The following DNAH8 variants were observed in gnomAD, a reference collection of about 807,000 sequenced individuals.
DNAH8 encodes dynein axonemal heavy chain 8.
A neutral mutation model predicts 562.1 loss-of-function variants in DNAH8; 382 were observed. The ratio of observed to expected loss-of-function variants is 0.68; its 90% CI spans 0.63 to 0.74. The LOEUF (loss-of-function observed/expected upper bound fraction) is 0.74. Ranked by LOEUF, DNAH8 falls within the 30% of genes least tolerant of loss-of-function variation. DNAH8 has a pLI of 0.00. For synonymous variants in DNAH8, 1,881 were observed against 1,919.4 expected (o/e 0.98, Z 0.52); for missense variants, 5,203 against 5,620.4 (o/e 0.93, Z 2.37).
Position 39,008,941 on chromosome 6 carries a change from A to G in DNAH8, c.13342A>G (p.Lys4448Glu). ...VYRLSEDMLS[K>E]LPPDYIPHEV... ...TAGATTATCTGAAGATATGCTGAGT[A>G]AACTCCCTCCTGATTACATTCCTCA... Residue 4448 changes from lysine to glutamate, a missense_variant, in exon 89 of 93, where the codon AAA (lysine) becomes GAA (glutamate). Physicochemically the swap from Lys to Glu is moderately conservative, Grantham distance 56. Coordinates refer to ENST00000327475, the MANE Select transcript of DNAH8 (RefSeq NM_001206927.2). The G allele has an allele frequency of 6.2e-7, 1 of 1,611,674 alleles. No homozygotes were observed.
At chr6:38,815,419 T>G (rs373429344) in intron 25 of DNAH8, 49 bp from the exon 26 acceptor site, 40 of 1,461,944 alleles carry the variant, frequency 2.7e-5, no homozygotes, top group Non-Finnish European at 3.8e-5. Context: ...AATTGAGGGA[T>G]GGACTGTATG....
At chr6:38,879,286 T>C (rs897057891) in intron 53 of DNAH8, among the ~76,000 whole-genome samples, 7 of 143,524 alleles carry the variant, frequency 4.9e-5, no homozygotes, top group Non-Finnish European at 1.1e-4. Flanking sequence ...GAGAAAGACA[T>C]TCCAAGAAAA....
chr6:38,716,258 G>A (rs1408801883), intron 1 of DNAH8, among the ~76,000 whole-genome samples: 5 of 151,348 alleles, frequency 3.3e-5, no homozygotes. Flanking sequence ...ACCACGCCCG[G>A]CCATATACCT....
intron 35 of DNAH8, 149 bp from the exon 36 acceptor site, chr6:38,845,425 A>T: frequency 1.6e-6 from 1 of 620,758 alleles, no homozygotes. Flanking sequence ...CAACACAATG[A>T]TCTGAAGCCT....
chr6:38,879,772 C>A (rs571414404), intron 53 of DNAH8, among the ~76,000 whole-genome samples: 7 of 152,052 alleles, frequency 4.6e-5, no homozygotes, highest in African/African-American at 1.7e-4. Flanking sequence ...AAGTAAAATT[C>A]TCTTTATTTG....
chr6:38,821,705 G>A (rs558969098), intron 26 of DNAH8, among the ~76,000 whole-genome samples: 18 of 152,092 alleles, frequency 1.2e-4, no homozygotes, highest in South Asian at 4.2e-4. Context: ...TGGGACTACC[G>A]GCACGTGCCA....
chr6:38,812,314 A>G (rs1390610150), intron 24 of DNAH8, among the ~76,000 whole-genome samples: 1 of 152,078 alleles, frequency 6.6e-6, no homozygotes, highest in African/African-American at 2.4e-5. Context: ...CCCATCCATG[A>G]TTGTGATGAG....
intron 91 of DNAH8, among the ~76,000 whole-genome samples, chr6:39,018,185 A>G (rs1766680577): frequency 6.6e-6 from 1 of 152,182 alleles, no homozygotes. Flanking sequence ...CTGTGTGAGC[A>G]GCTTTTACGC....
chr6:38,846,818 GCTTTCTT>G (rs1358359087), intron 36 of DNAH8, among the ~76,000 whole-genome samples: 2 of 152,114 alleles, frequency 1.3e-5, no homozygotes, highest in Non-Finnish European at 2.9e-5. Context: ...GGATTTGAAG[GCTTTCTT>G]CAATTCATAC....
chr6:38,876,611 A>G (rs1778032061), intron 53 of DNAH8, among the ~76,000 whole-genome samples: 1 of 152,202 alleles, frequency 6.6e-6, no homozygotes, highest in Non-Finnish European at 1.5e-5. Context: ...TGAGAAGCGC[A>G]CGTCACAGGA....
chr6:38,736,713 G>GAA, intron 5 of DNAH8, among the ~76,000 whole-genome samples: 1 of 145,450 alleles, frequency 6.9e-6, no homozygotes. Context: ...CTTTTCACCA[G>GAA]AAAAAAAAAA....
intron 88 of DNAH8, among the ~76,000 whole-genome samples, chr6:38,995,740 A>G (rs900189854): frequency 6.6e-6 from 1 of 152,238 alleles, no homozygotes; most frequent in Non-Finnish European, 1.5e-5. Flanking sequence ...AGTCCAACCC[A>G]TTCAATAAAA....
intron 48 of DNAH8, 110 bp from the exon 49 acceptor site, chr6:38,870,291 T>G: frequency 1.1e-6 from 1 of 923,632 alleles, no homozygotes; most frequent in Non-Finnish European, 1.7e-6. Context: ...ATTAGGAGAG[T>G]AATAAATGGT....
intron 17 of DNAH8, among the ~76,000 whole-genome samples, 159 bp from the exon 18 acceptor site, chr6:38,786,606 A>C (rs1321632447): frequency 2.0e-5 from 3 of 152,222 alleles, no homozygotes; most frequent in Non-Finnish European, 4.4e-5. Context: ...TTGAGTATTC[A>C]CTATGTGCCA....
chr6:38,973,494 A>G (rs185287956), intron 83 of DNAH8, among the ~76,000 whole-genome samples, 167 bp from the exon 84 acceptor site: 9 of 152,348 alleles, frequency 5.9e-5, no homozygotes, highest in African/African-American at 2.2e-4. Context: ...GCTTGTACCA[A>G]TTACTTGTAC....
chr6:38,842,368 A>G lies in DNAH8; in HGVS notation c.4467A>G (p.Arg1489=). Residue 1489 remains arginine (R), a splice_region_variant and synonymous_variant, in exon 34 of 93, where the codon AGA becomes AGG. Transcript: ENST00000327475. The part of the protein sequence containing the change: ...VTDYEVLHKT[R]KELNLLQKLY... Reference sequence around the variant, plus strand: ...ATAACTTAGTTACTTTGTTTCCCAGAAAAGAACTCAACTTGCTGCAGAAGC... The same window carrying G: ...ATAACTTAGTTACTTTGTTTCCCAGGAAAGAACTCAACTTGCTGCAGAAGC... The G allele has an allele frequency of 6.3e-7, 1 of 1,596,982 alleles. No homozygotes were observed. Among genetic ancestry groups the G allele is most frequent in the Non-Finnish European group, 8.5e-7 (1 of 1,174,484 alleles).
chr6:38,828,805 G>A (rs1343939661), intron 30 of DNAH8, among the ~76,000 whole-genome samples: 1 of 151,976 alleles, frequency 6.6e-6, no homozygotes, highest in East Asian at 1.9e-4. Context: ...TATTCACATT[G>A]TTGCTTAACC....
At position 38,790,401 on chromosome 6, in the gene DNAH8, A is replaced by G. The variant is rs759373980; in HGVS notation, c.2777A>G (p.Lys926Arg). The G allele has an allele frequency of 2.7e-6, 4 of 1,463,504 alleles. No individual in the cohort carries two copies. The highest frequency in any genetic ancestry group is 3.8e-6 in the Non-Finnish European group (4 of 1,050,998). The allele number at this position is 1,463,504 out of a possible 1,614,324, so 90.7% of individuals were successfully genotyped here. Reference sequence around the variant, plus strand: ...TTGGATATGTTCAATCAACTTTTAAAGAAGGTATGATCTATACATTTAAAA... The same window carrying G: ...TTGGATATGTTCAATCAACTTTTAAGGAAGGTATGATCTATACATTTAAAA... ...LVLDMFNQLLKKISDLCEMHI... is the reference protein window; with the variant it reads ...LVLDMFNQLLRKISDLCEMHI... The change falls in exon 20 of 93, where the codon AAG becomes AGG. Residue 926 changes from lysine to arginine, a missense_variant. Lys to Arg is a conservative substitution (Grantham distance 26). Around this residue, in one of 6 missense-constraint regions of DNAH8, gnomAD observed 2,176 missense variants for 2,365.1 expected, o/e 0.92. Transcript: ENST00000327475.
rs369473998 is a variant in DNAH8, at chr6:38,974,416, G to A, written c.12721G>A (p.Ala4241Thr). 335 of 1,613,854 alleles carry A rather than the reference G, an allele frequency of 2.1e-4. 2 individuals carry two copies. The South Asian group carries it at 2.2e-3, about 10-fold the overall frequency. Reference protein sequence around the residue: ...FTNEPPQGVRAGLKRTFAGIN... With the variant: ...FTNEPPQGVRTGLKRTFAGIN... ...TAATGAGCCACCCCAAGGTGTACGC[G>A]CAGGTTTGAAAAGAACATTTGCTGG... The change falls in exon 85 of 93, where the codon GCA becomes ACA. Residue 4241 changes from alanine to threonine, a missense_variant. By Grantham distance (58) the Ala-to-Thr change is moderately conservative. Around this residue, in one of 6 missense-constraint regions of DNAH8, gnomAD observed 1,399 missense variants for 1,518.4 expected, o/e 0.92. Transcript: ENST00000327475.
Sources: gnomAD v4.1 joint callset for allele counts (sites outside exome capture counted in the v4.1 genomes callset) on GRCh38, gnomAD v4.1.1 for gene constraint, gnomAD v4.1.1 regional missense constraint, MANE v1.5 for transcripts, NCBI Gene and HGNC (gene_info 2026-07-23, HGNC 2026-07-21) for gene names.